Variants in ITFG1 observed in about 807,000 individuals in gnomAD.
The protein encoded by ITFG1 is T-cell immunomodulatory protein.
In ITFG1, 34 loss-of-function variants were observed where a neutral mutation model predicts 81.8. The ratio of observed to expected loss-of-function variants is 0.42; its 90% CI spans 0.32 to 0.55. The LOEUF is 0.55. Ranked by LOEUF, ITFG1 falls within the 20% of genes least tolerant of loss-of-function variation. The probability of loss-of-function intolerance (pLI) is 0.17; values close to 1 mark genes in which losing one functional copy is unlikely to be tolerated. For synonymous variants in ITFG1, 285 were observed against 270.6 expected, an observed-to-expected ratio of 1.05 and a Z score of -0.52; for missense variants, 672 against 755.4, an observed-to-expected ratio of 0.89 and a Z score of 1.29.
At chr16:47,406,890 G>A (rs1968736202) in intron 6 of ITFG1, among the ~76,000 whole-genome samples, 1 of 152,114 alleles carries the variant, frequency 6.6e-6, no homozygotes, top group South Asian at 2.1e-4. Flanking sequence ...GATATCCGCA[G>A]GAATAATATT....
At chr16:47,222,524 C>T (rs1474064155) in intron 13 of ITFG1, among the ~76,000 whole-genome samples, 1 of 151,994 alleles carries the variant, frequency 6.6e-6, no homozygotes, top group Non-Finnish European at 1.5e-5. Context: ...CGCCATTCTC[C>T]TGCCTCAGCC....
chr16:47,423,288 T>C (rs2151607525), intron 6 of ITFG1, among the ~76,000 whole-genome samples: 1 of 146,948 alleles, frequency 6.8e-6, no homozygotes, highest in East Asian at 2.1e-4. Flanking sequence ...ATTTGCTAGG[T>C]AGATTTTCCT....
At chr16:47,350,274 A>G (rs1178908371) in intron 8 of ITFG1, among the ~76,000 whole-genome samples, 1 of 152,220 alleles carries the variant, frequency 6.6e-6, no homozygotes, top group Admixed American at 6.5e-5. Context: ...TGAATCCAGG[A>G]GCTAGTTTTT....
chr16:47,245,435 T>C (rs900169088), intron 12 of ITFG1, among the ~76,000 whole-genome samples: 5 of 152,198 alleles, frequency 3.3e-5, no homozygotes, highest in African/African-American at 7.2e-5. Flanking sequence ...CATAATTGCA[T>C]GGTATTCCAT....
intron 5 of ITFG1, among the ~76,000 whole-genome samples, chr16:47,438,429 C>T (rs1263084782): frequency 6.6e-6 from 1 of 152,194 alleles, no homozygotes; most frequent in Non-Finnish European, 1.5e-5. Flanking sequence ...AACTGGGAGG[C>T]ACCCCCCAGT....
At chr16:47,455,599 T>C (rs1969441397) in intron 2 of ITFG1, among the ~76,000 whole-genome samples, 1 of 151,410 alleles carries the variant, frequency 6.6e-6, no homozygotes, top group Non-Finnish European at 1.5e-5. Context: ...CAAAACCCTG[T>C]CACTATTAAA....
chr16:47,186,671 A>C (rs1167072822), intron 14 of ITFG1, among the ~76,000 whole-genome samples: 14 of 152,172 alleles, frequency 9.2e-5, no homozygotes, highest in Non-Finnish European at 1.6e-4. Context: ...ATGGGCAAAA[A>C]CTGGAAGCAT....
rs1360535735 is a variant in ITFG1, at chr16:47,310,373, A to G, written c.1070+867T>C. Among the ~76,000 whole-genome samples, 6 of 152,328 alleles carry G rather than the reference A, an allele frequency of 3.9e-5. No individual in the cohort carries two copies. The East Asian group carries it at 1.2e-3, about 29-fold the overall frequency. Reference sequence around the variant, plus strand: ...ATTAGTAATTCTAGCGTCAACAAATAAATTAATGCTCAGAAAAATAATGTA... The same window carrying G: ...ATTAGTAATTCTAGCGTCAACAAATGAATTAATGCTCAGAAAAATAATGTA... On this transcript the variant is annotated intron_variant, in intron 10 of 17. Transcript: ENST00000320640.
At chr16:47,211,332 A>G (rs1965558410) in intron 14 of ITFG1, among the ~76,000 whole-genome samples, 1 of 152,212 alleles carries the variant, frequency 6.6e-6, no homozygotes, top group African/African-American at 2.4e-5. Context: ...ATCCATTGAT[A>G]ATGTACAGAC....
chr16:47,198,364 T>C (rs1327081327), intron 14 of ITFG1, among the ~76,000 whole-genome samples: 3 of 152,164 alleles, frequency 2.0e-5, no homozygotes, highest in Non-Finnish European at 4.4e-5. Context: ...CCATCTTAGC[T>C]GTCATGATGT....
chr16:47,165,855 C>G (rs1005592834), intron 14 of ITFG1, among the ~76,000 whole-genome samples: 1 of 152,068 alleles, frequency 6.6e-6, no homozygotes, highest in African/African-American at 2.4e-5. Flanking sequence ...CAAAAACAAA[C>G]AAACAAACAA....
chr16:47,287,412 T>C (rs904267641), intron 10 of ITFG1, among the ~76,000 whole-genome samples: 2 of 151,998 alleles, frequency 1.3e-5, no homozygotes, highest in Non-Finnish European at 2.9e-5. Flanking sequence ...TTTTTTTCTT[T>C]CTTTCTGAGG....
intron 7 of ITFG1, among the ~76,000 whole-genome samples, chr16:47,368,359 C>T (rs1351211857): frequency 6.6e-6 from 1 of 151,326 alleles, no homozygotes; most frequent in Admixed American, 6.6e-5. Context: ...CAAGACCAGC[C>T]TGGCCAACAT....
intron 2 of ITFG1, among the ~76,000 whole-genome samples, chr16:47,457,951 T>C (rs1969475109): frequency 6.6e-6 from 1 of 152,222 alleles, no homozygotes. Flanking sequence ...AAGTTCTAGT[T>C]CAAGGCCATT....
chr16:47,326,948 T>C (rs1349708146), intron 8 of ITFG1, among the ~76,000 whole-genome samples: 1 of 152,116 alleles, frequency 6.6e-6, no homozygotes, highest in East Asian at 1.9e-4. Flanking sequence ...TACCAATGAC[T>C]TTCTTCACAG....
chr16:47,274,387 AAAGT>A (rs1966376380), intron 10 of ITFG1, among the ~76,000 whole-genome samples: 1 of 152,188 alleles, frequency 6.6e-6, no homozygotes, highest in Non-Finnish European at 1.5e-5. Flanking sequence ...AAAGTGTATT[AAAGT>A]AAGATTAAAC....
At chr16:47,442,882 A>C (rs1969272079) in intron 5 of ITFG1, among the ~76,000 whole-genome samples, 1 of 152,228 alleles carries the variant, frequency 6.6e-6, no homozygotes, top group Admixed American at 6.5e-5. Flanking sequence ...AATGGCAACA[A>C]AAGCCAAAAT....
chr16:47,291,912 C>T (rs1051115831), intron 10 of ITFG1, among the ~76,000 whole-genome samples: 8 of 151,616 alleles, frequency 5.3e-5, no homozygotes, highest in South Asian at 2.1e-4. Flanking sequence ...ACTGAGTTTC[C>T]GTAATATCAT....
intron 12 of ITFG1, among the ~76,000 whole-genome samples, chr16:47,257,434 G>A (rs1212631964): frequency 1.3e-5 from 2 of 152,116 alleles, no homozygotes; most frequent in East Asian, 1.9e-4. Flanking sequence ...ACATGTACAG[G>A]GTCTTTATGA....
Sources: allele counts gnomAD v4.1 joint callset (sites outside exome capture counted in the v4.1 genomes callset), GRCh38; gene constraint gnomAD v4.1.1; transcripts MANE v1.5; gene names NCBI Gene and HGNC (gene_info 2026-07-23, HGNC 2026-07-21).